The following PAAF1 variants were observed in gnomAD, a reference collection of about 807,000 sequenced individuals.
PAAF1 encodes proteasomal ATPase associated factor 1, also known as proteasomal ATPase-associated factor 1.
In PAAF1, 46 loss-of-function variants were observed where a neutral mutation model predicts 52.8. The ratio of observed to expected loss-of-function variants is 0.87; its 90% CI spans 0.69 to 1.11. The LOEUF (loss-of-function observed/expected upper bound fraction) is 1.11, where lower values mean the gene tolerates loss of function less well. PAAF1 is among the 50% of genes most tolerant of loss of function. The probability of loss-of-function intolerance (pLI) is 0.00; values close to 1 mark genes in which losing one functional copy is unlikely to be tolerated. For missense variants in PAAF1, 424 were observed against 477.4 expected, an observed-to-expected ratio of 0.89 and a Z score of 1.04; for synonymous variants, 178 against 172.8, an observed-to-expected ratio of 1.03 and a Z score of -0.24.
At chr11:73,900,211 A>T in intron 5 of PAAF1, 59 bp from the exon 6 acceptor site, 1 of 1,525,082 alleles carries the variant, frequency 6.6e-7, no homozygotes, top group Non-Finnish European at 8.9e-7. Context: ...TATGGGAGGT[A>T]AGAGAACATC....
chr11:73,903,240 ATAAAGTAG>A (rs1439854520), intron 6 of PAAF1, among the ~76,000 whole-genome samples: 1 of 152,222 alleles, frequency 6.6e-6, no homozygotes, highest in African/African-American at 2.4e-5. Context: ...AGTTCGTTGA[ATAAAGTAG>A]CCCCAGGTTT....
At chr11:73,913,912 A>G (rs1949997888) in intron 7 of PAAF1, among the ~76,000 whole-genome samples, 1 of 152,018 alleles carries the variant, frequency 6.6e-6, no homozygotes, top group Non-Finnish European at 1.5e-5. Flanking sequence ...ATTGCCAGCC[A>G]TGGTGTGCAC....
Position 73,916,628 on chromosome 11 carries a change from A to G in PAAF1, c.903A>G (p.Gly301=), listed in dbSNP as rs749919994. The G allele has an allele frequency of 6.2e-7, 1 of 1,614,066 alleles. No homozygotes were observed. The highest frequency in any genetic ancestry group is 8.5e-7 in the Non-Finnish European group (1 of 1,179,934). ...GFLLLAGTQD[G]NIYQLDVRSP... is the part of the protein sequence containing the mutation. ...TGCTATTGGCTGGGACTCAAGATGG[A>G]AACATTTATCAGCTGGATGTGAGGA... The change falls in exon 9 of 12, where the codon GGA becomes GGG. Residue 301 remains glycine (G), a synonymous_variant. Coordinates refer to ENST00000310571, the MANE Select transcript of PAAF1 (RefSeq NM_025155.3).
At chr11:73,922,033 AG>A in intron 10 of PAAF1, 1 of 808,132 alleles carries the variant, frequency 1.2e-6, no homozygotes, top group Admixed American at 1.8e-5. Context: ...TTTTTGAAGA[AG>A]ACATTGGCCT....
intron 6 of PAAF1, among the ~76,000 whole-genome samples, chr11:73,907,467 CCACCTGACTTGCAT>C (rs1157385484): frequency 6.6e-6 from 1 of 152,188 alleles, no homozygotes; most frequent in Non-Finnish European, 1.5e-5. Flanking sequence ...CACAGTTGCA[CCACCTGACTTGCAT>C]CACCTCATTG....
intron 10 of PAAF1, among the ~76,000 whole-genome samples, chr11:73,922,645 G>A (rs111895245): frequency 0.033 from 4,998 of 151,968 alleles, 111 homozygotes; most frequent in Non-Finnish European, 0.051. Flanking sequence ...GTGAAACCCC[G>A]TCTCTACTAA....
At chr11:73,899,483 C>T (rs1949533667) in intron 5 of PAAF1, among the ~76,000 whole-genome samples, 1 of 144,422 alleles carries the variant, frequency 6.9e-6, no homozygotes, top group African/African-American at 2.6e-5. Flanking sequence ...GTGATCTCAG[C>T]TCACTGCAAC....
chr11:73,877,037 A>G lies in PAAF1; in HGVS notation c.16A>G (p.Arg6Gly). ...CGGGGTCGAGATGGCGGCGCCTTTG[A>G]GGATTCAGAGCGACTGGGCGCAAGC... is the stretch of plus-strand genomic sequence containing the variant. Reference protein sequence around the residue: MAAPLRIQSDWAQALR... With the variant: MAAPLGIQSDWAQALR... Residue 6 changes from arginine to glycine, a missense_variant, in exon 1 of 12, where the codon AGG (arginine) becomes GGG (glycine). Transcript: ENST00000310571. 1 of 1,535,050 alleles carries G rather than the reference A, an allele frequency of 6.5e-7. No homozygotes were observed. Among genetic ancestry groups the G allele is most frequent in the Non-Finnish European group, 8.8e-7 (1 of 1,138,350 alleles).
At chr11:73,900,604 C>A (rs1182200454) in intron 6 of PAAF1, among the ~76,000 whole-genome samples, 184 bp downstream of exon 6, 1 of 152,170 alleles carries the variant, frequency 6.6e-6, no homozygotes, top group African/African-American at 2.4e-5. Flanking sequence ...TTATTGCTAT[C>A]TTGAACTGTC....
intron 8 of PAAF1, 66 bp downstream of exon 8, chr11:73,914,570 T>G: frequency 7.2e-7 from 1 of 1,392,146 alleles, no homozygotes; most frequent in Non-Finnish European, 1.0e-6. Context: ...CTTAGAAAGC[T>G]ATTTTGGAAA....
At chr11:73,915,933 G>A (rs1950050357) in intron 8 of PAAF1, among the ~76,000 whole-genome samples, 1 of 152,074 alleles carries the variant, frequency 6.6e-6, no homozygotes, top group Non-Finnish European at 1.5e-5. Context: ...GAGTTTCCAT[G>A]CTGGCTTTTA....
chr11:73,904,815 G>T (rs769379689), intron 6 of PAAF1, among the ~76,000 whole-genome samples: 1 of 152,174 alleles, frequency 6.6e-6, no homozygotes, highest in Non-Finnish European at 1.5e-5. Context: ...TTTATTTCAG[G>T]AATAGTTTCA....
At chr11:73,912,151 A>C (rs754087218) in intron 7 of PAAF1, among the ~76,000 whole-genome samples, 8 of 152,124 alleles carry the variant, frequency 5.3e-5, no homozygotes, top group Non-Finnish European at 1.0e-4. Context: ...TAAATACTAG[A>C]GGGCCCCACT....
intron 2 of PAAF1, chr11:73,880,687 G>GAGAAA (rs1554975831): frequency 2.5e-5 from 1 of 40,610 alleles, no homozygotes; most frequent in Non-Finnish European, 5.4e-5. Flanking sequence ...ACTCTGTCTC[G>GAGAAA]AAAAAAAAAA....
At chr11:73,891,479 T>G (rs1949200608) in intron 4 of PAAF1, among the ~76,000 whole-genome samples, 1 of 152,132 alleles carries the variant, frequency 6.6e-6, no homozygotes, top group African/African-American at 2.4e-5. Flanking sequence ...GATAATGATA[T>G]AATACTTGAT....
intron 4 of PAAF1, among the ~76,000 whole-genome samples, chr11:73,895,573 C>T (rs1328685556): frequency 6.6e-6 from 1 of 152,166 alleles, no homozygotes; most frequent in Non-Finnish European, 1.5e-5. Flanking sequence ...GTTTAATTGA[C>T]ATAGAACAAA....
chr11:73,903,900 A>G (rs1949690780), intron 6 of PAAF1, among the ~76,000 whole-genome samples: 2 of 151,918 alleles, frequency 1.3e-5, no homozygotes, highest in East Asian at 2.0e-4. Flanking sequence ...CCTGGCAAAC[A>G]TGGTAAAACC....
intron 2 of PAAF1, among the ~76,000 whole-genome samples, chr11:73,884,497 A>T (rs1194078438): frequency 6.6e-6 from 1 of 152,184 alleles, no homozygotes; most frequent in Non-Finnish European, 1.5e-5. Context: ...CCTGTCTCAA[A>T]TATTAAAAAA....
chr11:73,907,666 G>T (rs74728570), intron 6 of PAAF1, among the ~76,000 whole-genome samples: 3,941 of 152,256 alleles, frequency 0.026, 174 homozygotes, highest in African/African-American at 0.09. Flanking sequence ...CTGGGTAGGG[G>T]AATGGGAGTG....
Sources: gnomAD v4.1 joint callset for allele counts (sites outside exome capture counted in the v4.1 genomes callset) on GRCh38, gnomAD v4.1.1 for gene constraint, MANE v1.5 for transcripts, NCBI Gene and HGNC (gene_info 2026-07-23, HGNC 2026-07-21) for gene names.